Variants in BRF1 observed in about 807,000 individuals in gnomAD.
BRF1 encodes BRF1 general transcription factor IIIB subunit, also known as transcription factor IIIB 90 kDa subunit.
In BRF1, 59 loss-of-function variants were observed where a neutral mutation model predicts 81.7. That is an observed-to-expected ratio of 0.72 (90% CI 0.59 to 0.90). The LOEUF is 0.90. Among genes scored for constraint, BRF1 ranks in the 40% least tolerant of loss-of-function variants. The pLI is 0.00. For synonymous variants in BRF1, 491 were observed against 395.6 expected, an observed-to-expected ratio of 1.24 and a Z score of -2.86; for missense variants, 1,050 against 936.3, an observed-to-expected ratio of 1.12 and a Z score of -1.58.
chr14:105,285,119 C>A (rs377410042), intron 2 of BRF1, among the ~76,000 whole-genome samples: 61 of 152,262 alleles, frequency 4.0e-4, no homozygotes, highest in African/African-American at 1.3e-3. Context: ...TAACGCAATC[C>A]CCGTCAAAAT....
chr14:105,249,292 C>G, intron 5 of BRF1: 1 of 1,571,642 alleles, frequency 6.4e-7, no homozygotes, highest in Non-Finnish European at 8.6e-7. Context: ...CCGTCCGCCC[C>G]GTCCGCCGTG....
intron 11 of BRF1, 66 bp from the exon 12 acceptor site, chr14:105,220,196 C>G: frequency 1.9e-6 from 3 of 1,594,696 alleles, no homozygotes; most frequent in Non-Finnish European, 2.6e-6. Context: ...TGGCCACCAC[C>G]TGGGCTGGCT....
chr14:105,309,118 A>AT lies in BRF1; in HGVS notation c.-162+6203dup, dbSNP rs1431311489. Among the ~76,000 whole-genome samples, 1 of 152,122 alleles carries AT rather than the reference A, an allele frequency of 6.6e-6. No homozygotes were observed. The highest frequency in any genetic ancestry group is 1.5e-5 in the Non-Finnish European group (1 of 68,026). On this transcript the variant is annotated intron_variant, in intron 1 of 17. Coordinates refer to the BRF1 transcript ENST00000327359. The surrounding 1 kb of genome is among the most constrained non-coding windows in gnomAD (Gnocchi z 4.0). ...TGATGTCTGTGAATGTCCTTGGCTG[A>AT]TTTCTGTATTAGGGCCTGGGTGTTT...
intron 11 of BRF1, among the ~76,000 whole-genome samples, chr14:105,220,380 T>C (rs1367554895): frequency 6.6e-6 from 1 of 152,216 alleles, no homozygotes; most frequent in Non-Finnish European, 1.5e-5. Context: ...CCAGCACTTC[T>C]GTGCTTTTTG....
At chr14:105,270,292 G>C (rs1320503653) in intron 3 of BRF1, among the ~76,000 whole-genome samples, 8 of 151,324 alleles carry the variant, frequency 5.3e-5, no homozygotes, top group African/African-American at 1.9e-4. Context: ...TCCTGCCTCA[G>C]CCTCCCGAGT....
chr14:105,228,713 G>T, intron 7 of BRF1, 107 bp downstream of exon 7: 1 of 1,287,714 alleles, frequency 7.8e-7, no homozygotes, highest in Non-Finnish European at 1.1e-6. Flanking sequence ...GCAGCCAGGC[G>T]GGGGACGGCA....
Position 105,210,416 on chromosome 14 carries a change from G to C in BRF1, c.*135C>G, listed in dbSNP as rs1232141231. On this transcript the variant is annotated 3_prime_UTR_variant, in exon 18 of 18. Transcript: ENST00000547530. This position sits in a 1 kb window ranked among gnomAD's most constrained non-coding sequence, Gnocchi z 4.7. ...ATGGTAAGTTCCACATGGGACGAGG[G>C]CTGTGGGACAGGTGCCACCTGTCAC... is the stretch of plus-strand genomic sequence containing the variant. 1.1e-6 allele frequency: 1 copy of C among 901,782 alleles called. No homozygotes were observed. Among genetic ancestry groups the C allele is most frequent in the Non-Finnish European group, 1.7e-6 (1 of 586,998 alleles). 55.9% of individuals were successfully genotyped at this position (901,782 alleles called of 1,614,324 possible).
chr14:105,252,412 T>C, intron 5 of BRF1, 95 bp downstream of exon 5: 1 of 1,507,380 alleles, frequency 6.6e-7, no homozygotes, highest in Non-Finnish European at 8.9e-7. Context: ...GTCCCATGCT[T>C]GGACAGGATT....
intron 1 of BRF1, among the ~76,000 whole-genome samples, chr14:105,299,987 G>A (rs72711565): frequency 0.033 from 4,962 of 152,330 alleles, 144 homozygotes; most frequent in African/African-American, 0.075. Context: ...TCCCCAGCCC[G>A]CAATACTGCC....
intron 6 of BRF1, among the ~76,000 whole-genome samples, 180 bp from the exon 7 acceptor site, chr14:105,229,093 A>G (rs1181062496): frequency 2.6e-5 from 4 of 152,176 alleles, no homozygotes; most frequent in Admixed American, 6.5e-5. Flanking sequence ...GACCCTCTCT[A>G]TCTTATTGTG....
intron 2 of BRF1, among the ~76,000 whole-genome samples, chr14:105,281,511 T>C: frequency 6.6e-6 from 1 of 150,386 alleles, no homozygotes; most frequent in Non-Finnish European, 1.5e-5. Flanking sequence ...TGCGTGACCC[T>C]GAGCCCGGGT....
chr14:105,219,960 T>A (rs1376662877), intron 12 of BRF1, 109 bp downstream of exon 12: 7 of 1,202,522 alleles, frequency 5.8e-6, no homozygotes, highest in Non-Finnish European at 8.4e-6. Context: ...CCCAGCGGGG[T>A]GGGCTCTGGG....
intron 10 of BRF1, among the ~76,000 whole-genome samples, chr14:105,223,506 T>A (rs148305239): frequency 9.2e-4 from 136 of 148,118 alleles, no homozygotes; most frequent in African/African-American, 3.2e-3. Flanking sequence ...AAACCATTGA[T>A]GCGTGACTCA....
chr14:105,274,799 G>A (rs962783319), intron 2 of BRF1, among the ~76,000 whole-genome samples: 1 of 152,132 alleles, frequency 6.6e-6, no homozygotes, highest in Non-Finnish European at 1.5e-5. Context: ...AGGCTGTGTG[G>A]GGAGCACCTG....
At chr14:105,258,855 C>T (rs1373778286) in intron 3 of BRF1, among the ~76,000 whole-genome samples, 1 of 151,284 alleles carries the variant, frequency 6.6e-6, no homozygotes, top group Non-Finnish European at 1.5e-5. Flanking sequence ...TAAAAAAAGG[C>T]AAAACAATTC....
chr14:105,256,492 A>G (rs781180143), intron 4 of BRF1, 26 bp downstream of exon 4: 1 of 1,614,134 alleles, frequency 6.2e-7, no homozygotes, highest in East Asian at 2.2e-5. Flanking sequence ...CCAGGTGGGG[A>G]AAGATGCAGG....
At chr14:105,219,298 G>C (rs587686408) in intron 12 of BRF1, 66 bp from the exon 13 acceptor site, 3 of 1,594,024 alleles carry the variant, frequency 1.9e-6, no homozygotes, top group South Asian at 2.2e-5. Flanking sequence ...CTAAGGTCGC[G>C]CTGGCCAGCG....
chr14:105,217,989 C>T (rs1016885057), intron 14 of BRF1, among the ~76,000 whole-genome samples, 189 bp from the exon 15 acceptor site: 3 of 152,216 alleles, frequency 2.0e-5, no homozygotes, highest in East Asian at 3.9e-4. Context: ...ACGTCAAATC[C>T]TGCCCTCCCA....
At chr14:105,213,908 G>T (rs1257627713) in intron 15 of BRF1, among the ~76,000 whole-genome samples, 1 of 152,210 alleles carries the variant, frequency 6.6e-6, no homozygotes, top group African/African-American at 2.4e-5. Flanking sequence ...GCAGTATCCT[G>T]TGTGAACCTG....
Sources: gnomAD v4.1 joint callset for allele counts (sites outside exome capture counted in the v4.1 genomes callset) on GRCh38, gnomAD v4.1.1 for gene constraint, Gnocchi (gnomAD v3.1) non-coding constraint, MANE v1.5 for transcripts, NCBI Gene and HGNC (gene_info 2026-07-23, HGNC 2026-07-21) for gene names.